Variants in SH3PXD2B observed in about 807,000 individuals in gnomAD.
The protein encoded by SH3PXD2B is SH3 and PX domain-containing protein 2B.
A neutral mutation model predicts 73.1 loss-of-function variants in SH3PXD2B; 37 were observed. The observed-to-expected ratio is 0.51, with a 90% CI of 0.39 to 0.67. SH3PXD2B has a LOEUF of 0.67. Among genes scored for constraint, SH3PXD2B ranks in the 30% least tolerant of loss-of-function variants. The pLI is 0.00. For missense variants in SH3PXD2B, 1,053 were observed against 1,197.8 expected (o/e 0.88, Z 1.78); for synonymous variants, 457 against 480.5 (o/e 0.95, Z 0.64).
chr5:172,432,772 C>G (rs1759278496), intron 1 of SH3PXD2B, among the ~76,000 whole-genome samples: 1 of 152,038 alleles, frequency 6.6e-6, no homozygotes, highest in Non-Finnish European at 1.5e-5. Context: ...ATTAGCCAGG[C>G]ATGGTGGTGC....
rs1038203145 is a variant in SH3PXD2B at position 172,338,605 on chromosome 5, C to T, written c.2500G>A (p.Glu834Lys). 4.3e-6 allele frequency: 7 copies of T among 1,614,158 alleles called. No homozygotes were observed. Among genetic ancestry groups the T allele is most frequent in the Non-Finnish European group, 5.9e-6 (7 of 1,179,994 alleles). The change falls in exon 13 of 13, where the codon GAA becomes AAA. Residue 834 changes from glutamate to lysine, a missense_variant. Physicochemically the swap from Glu to Lys is moderately conservative, Grantham distance 56. This residue lies in a region of SH3PXD2B where 587 missense variants were observed against 590.7 expected (regional missense o/e 0.99). Transcript: ENST00000311601. This position sits in a 1 kb window ranked among gnomAD's most constrained non-coding sequence, Gnocchi z 5.1. ...GCTGCAGCTGCTTTCTCCCTGTTTTCTCCAATCTTGCCGGTCCCCCATGGC... is the reference window on the plus strand; with the variant it reads ...GCTGCAGCTGCTTTCTCCCTGTTTTTTCCAATCTTGCCGGTCCCCCATGGC... ...LGPWGTGKIG[E>K]NREKAAAASV...
chr5:172,441,839 G>T (rs1759557026), intron 1 of SH3PXD2B, among the ~76,000 whole-genome samples: 1 of 151,918 alleles, frequency 6.6e-6, no homozygotes, highest in South Asian at 2.1e-4. Context: ...TGTCATAGGG[G>T]AGGAGAAGGG....
In SH3PXD2B at chr5:172,334,521, TAAGACA is replaced by T; in HGVS notation, c.*3842_*3847del. ...ACGGGCCTGGACAACCCTTGGGGGA[TAAGACA>T]GCCACACATGGCTCAGGCTGTTAGG... On this transcript the variant is annotated 3_prime_UTR_variant, in exon 13 of 13. Transcript: ENST00000311601. 1.0e-6 allele frequency: 1 copy of T among 985,588 alleles called. No individual in the cohort carries two copies. The highest frequency in any genetic ancestry group is 1.2e-6 in the Non-Finnish European group (1 of 830,058). The allele number at this position is 985,588 out of a possible 1,614,324, so 61.1% of individuals were successfully genotyped here.
chr5:172,353,751 C>A lies in SH3PXD2B; in HGVS notation c.785+137G>T. 1.3e-6 allele frequency: 1 copy of A among 759,220 alleles called. No homozygotes were observed. The highest frequency in any genetic ancestry group is 2.5e-5 in the East Asian group (1 of 40,740). 47.0% of individuals were successfully genotyped at this position (759,220 alleles called of 1,614,324 possible). On this transcript the variant is annotated intron_variant, in intron 9 of 12. Coordinates refer to ENST00000311601, the MANE Select transcript of SH3PXD2B (RefSeq NM_001017995.3). The surrounding 1 kb of genome is among the most constrained non-coding windows in gnomAD (Gnocchi z 4.3). ...CCACACAACACAGAGGAGAAGTATC[C>A]TTTTATGGTTCAGGCGGAAACTTCG...
exon 13 of SH3PXD2B, chr5:172,325,259 A>G: frequency 6.6e-7 from 1 of 1,512,106 alleles, no homozygotes. Context: ...CACAGCAGCA[A>G]GGACATGACG....
At chr5:172,326,222 T>C (rs1445504131) in intron 12 of SH3PXD2B, among the ~76,000 whole-genome samples, 2 of 152,232 alleles carry the variant, frequency 1.3e-5, no homozygotes, top group Non-Finnish European at 2.9e-5. Flanking sequence ...CCAACCCAGA[T>C]TCCTCATATT....
At chr5:172,417,581 T>C (rs1053671789) in intron 2 of SH3PXD2B, among the ~76,000 whole-genome samples, 5 of 152,228 alleles carry the variant, frequency 3.3e-5, no homozygotes, top group South Asian at 2.1e-4. Context: ...CAAGATCTCA[T>C]GGCCAGCAAG....
At chr5:172,372,155 G>C (rs1362851769) in intron 6 of SH3PXD2B, among the ~76,000 whole-genome samples, 2 of 152,150 alleles carry the variant, frequency 1.3e-5, no homozygotes, top group African/African-American at 4.8e-5. Context: ...GTTTGGATCT[G>C]CGTCCCCACC....
rs1422115231 is a variant in SH3PXD2B at position 172,333,717 on chromosome 5, C to G, written c.*4652G>C. ...AAGAGGGTAGAGTAAGTGTGGGGATCTCCAGCGTCATCCTATGAGCAGACA... is the reference window on the plus strand; with the variant it reads ...AAGAGGGTAGAGTAAGTGTGGGGATGTCCAGCGTCATCCTATGAGCAGACA... On this transcript the variant is annotated 3_prime_UTR_variant, in exon 13 of 13. Transcript: ENST00000311601. The G allele has an allele frequency of 7.8e-7, 1 of 1,289,356 alleles. No individual in the cohort carries two copies. The highest frequency in any genetic ancestry group is 2.3e-5 in the Admixed American group (1 of 43,534). The allele number at this position is 1,289,356 out of a possible 1,614,324, so 79.9% of individuals were successfully genotyped here.
intron 3 of SH3PXD2B, among the ~76,000 whole-genome samples, chr5:172,397,543 T>C (rs1177030739): frequency 2.0e-5 from 3 of 152,210 alleles, no homozygotes; most frequent in African/African-American, 7.2e-5. Context: ...ACATGTGATG[T>C]CTCCCCCGGA....
Position 172,421,508 on chromosome 5 carries a change from TCA to T in SH3PXD2B, c.156+906_156+907del, listed in dbSNP as rs1758962340. ...AAGATGTGGTTCTGGCCCACAATAG[TCA>T]CAGTCTAGGCAGGGAGACAGACAAG... On this transcript the variant is annotated intron_variant, in intron 2 of 12. Coordinates refer to ENST00000311601, the MANE Select transcript of SH3PXD2B (RefSeq NM_001017995.3). The surrounding 1 kb of genome is among the most constrained non-coding windows in gnomAD (Gnocchi z 4.0). Among the ~76,000 whole-genome samples the T allele has an allele frequency of 6.6e-6, 1 of 152,084 alleles. No individual in the cohort carries two copies. Among genetic ancestry groups the T allele is most frequent in the Non-Finnish European group, 1.5e-5 (1 of 68,018 alleles).
At chr5:172,402,670 C>A (rs1037729601) in intron 3 of SH3PXD2B, among the ~76,000 whole-genome samples, 1 of 152,164 alleles carries the variant, frequency 6.6e-6, no homozygotes, top group Non-Finnish European at 1.5e-5. Flanking sequence ...GGGTGGGTTC[C>A]CCCAATAGGG....
intron 2 of SH3PXD2B, among the ~76,000 whole-genome samples, chr5:172,417,484 G>A (rs1452288532): frequency 2.6e-5 from 4 of 152,194 alleles, no homozygotes; most frequent in Non-Finnish European, 5.9e-5. Context: ...AGACTTCTCA[G>A]TTACACTCAG....
intron 1 of SH3PXD2B, among the ~76,000 whole-genome samples, chr5:172,433,847 C>T (rs1441241384): frequency 6.6e-6 from 1 of 152,206 alleles, no homozygotes; most frequent in Non-Finnish European, 1.5e-5. Flanking sequence ...TGGTTGGAAT[C>T]TCTGCTCATG....
chr5:172,407,223 T>C lies in SH3PXD2B; in HGVS notation c.157-871A>G, dbSNP rs1035508377. On this transcript the variant is annotated intron_variant, in intron 2 of 12. Transcript: ENST00000311601. Reference sequence around the variant, plus strand: ...CATTAACGCTGTTGTCAAATATTTCTGGTTCTTCTTCTGAGCACATGGTAG... The same window carrying C: ...CATTAACGCTGTTGTCAAATATTTCCGGTTCTTCTTCTGAGCACATGGTAG... 1.1e-4 allele frequency among the ~76,000 whole-genome samples: 16 copies of C among 152,350 alleles called. No homozygotes were observed. In the South Asian group the frequency reaches 1.2e-3, roughly 12 times the overall value.
intron 4 of SH3PXD2B, among the ~76,000 whole-genome samples, chr5:172,383,766 T>C (rs1380279495): frequency 2.0e-5 from 3 of 152,186 alleles, no homozygotes; most frequent in Non-Finnish European, 2.9e-5. Flanking sequence ...CCCTGGTGCC[T>C]CTCATGAGCC....
At chr5:172,438,126 C>T (rs1400809712) in intron 1 of SH3PXD2B, among the ~76,000 whole-genome samples, 3 of 152,188 alleles carry the variant, frequency 2.0e-5, no homozygotes, top group Non-Finnish European at 4.4e-5. Context: ...CTCTTGCCTC[C>T]AGGACTCAAT....
At position 172,373,818 on chromosome 5, in the gene SH3PXD2B, G is replaced by A; in HGVS notation, c.402-3C>T. The A allele has an allele frequency of 1.9e-6, 3 of 1,614,046 alleles. No homozygotes were observed. The highest frequency in any genetic ancestry group is 1.7e-6 in the Non-Finnish European group (2 of 1,179,968). The stretch of plus-strand genomic sequence containing the variant: ...ATTTCTTTTTCCCAATGTGCTCCCT[G>A]TACAGGAAAGAAAGGGGGTGGGAAG... On this transcript the variant is annotated splice_region_variant and splice_polypyrimidine_tract_variant and intron_variant, in intron 5 of 12. Coordinates refer to ENST00000311601, the MANE Select transcript of SH3PXD2B (RefSeq NM_001017995.3).
chr5:172,327,148 C>G (rs1386485076), intron 12 of SH3PXD2B, among the ~76,000 whole-genome samples: 8 of 152,184 alleles, frequency 5.3e-5, no homozygotes, highest in African/African-American at 1.9e-4. Flanking sequence ...GCATGAACCA[C>G]CGCGCCTGGC....
Sources: gnomAD v4.1 joint callset for allele counts (sites outside exome capture counted in the v4.1 genomes callset) on GRCh38, gnomAD v4.1.1 for gene constraint, gnomAD v4.1.1 regional missense constraint, Gnocchi (gnomAD v3.1) non-coding constraint, MANE v1.5 for transcripts, NCBI Gene and HGNC (gene_info 2026-07-23, HGNC 2026-07-21) for gene names.